GSAP: variants seen among roughly 807,000 people sequenced by gnomAD.
The protein encoded by GSAP is gamma-secretase activating protein.
A neutral mutation model predicts 131.7 loss-of-function variants in GSAP; 118 were observed. The ratio of observed to expected loss-of-function variants is 0.90; its 90% CI spans 0.77 to 1.04. GSAP has a LOEUF of 1.04. Among genes scored for constraint, GSAP ranks in the 50% least tolerant of loss-of-function variants. The pLI is 0.00. For missense variants in GSAP, 1,019 were observed against 1,013.2 expected (o/e 1.01, Z -0.08); for synonymous variants, 381 against 363.4 (o/e 1.05, Z -0.55).
At chr7:77,395,308 C>T (rs868392211) in intron 5 of GSAP, among the ~76,000 whole-genome samples, 6 of 152,136 alleles carry the variant, frequency 3.9e-5, no homozygotes, top group Admixed American at 2.6e-4. Context: ...CCACCCTCAC[C>T]ACCTCCAGGA....
intron 7 of GSAP, among the ~76,000 whole-genome samples, chr7:77,381,701 T>A (rs1797839699): frequency 6.6e-6 from 1 of 152,094 alleles, no homozygotes; most frequent in Non-Finnish European, 1.5e-5. Context: ...AAGGGCTTAC[T>A]TAGCAGAGTT....
At position 77,406,098 on chromosome 7, in the gene GSAP, TA is replaced by T; in HGVS notation, c.116del (p.Leu39Ter). 1 of 1,253,624 alleles carries T rather than the reference TA, an allele frequency of 8.0e-7. No homozygotes were observed. Among genetic ancestry groups the T allele is most frequent in the South Asian group, 1.5e-5 (1 of 65,952 alleles). 77.7% of individuals were successfully genotyped at this position (1,253,624 alleles called of 1,614,324 possible). A position where few individuals can be genotyped will look rare whatever the true frequency, so the allele number is the denominator to read the frequency against. On this transcript the variant is annotated frameshift_variant, in exon 2 of 31. Coordinates refer to ENST00000257626, the MANE Select transcript of GSAP (RefSeq NM_017439.4). LOFTEE classifies it high-confidence loss of function. ...SGAGSGGADV[L>X]ENDYESLHVL... Reference sequence around the variant, plus strand: ...CATGTAAGCTCTCATAATCGTTTTCTAAAACATCTGAAATGATAATAGGAGG... The same window carrying T: ...CATGTAAGCTCTCATAATCGTTTTCTAAACATCTGAAATGATAATAGGAGG...
chr7:77,397,574 C>A (rs545786800), intron 3 of GSAP, among the ~76,000 whole-genome samples, 159 bp from the exon 4 acceptor site: 4 of 152,220 alleles, frequency 2.6e-5, no homozygotes, highest in African/African-American at 9.6e-5. Flanking sequence ...TTCCAGAGTA[C>A]TCTTTACCAA....
At position 77,398,614 on chromosome 7, in the gene GSAP, A is replaced by T. The variant is rs10271948; in HGVS notation, c.244-1199T>A. 6.4e-3 allele frequency among the ~76,000 whole-genome samples: 969 copies of T among 152,172 alleles called. 7 individuals are homozygous for T. Among genetic ancestry groups the T allele is most frequent in the African/African-American group, 0.022 (893 of 41,532 alleles). The stretch of plus-strand genomic sequence containing the variant: ...AAATCCTATCTCTACAAAAGTTTTT[A>T]AAAAAATATGCCAGGCATGGTGGCA... On this transcript the variant is annotated intron_variant, in intron 3 of 30. Coordinates refer to ENST00000257626, the MANE Select transcript of GSAP (RefSeq NM_017439.4).
At chr7:77,338,204 A>C (rs932566623) in intron 19 of GSAP, among the ~76,000 whole-genome samples, 13 of 152,108 alleles carry the variant, frequency 8.5e-5, no homozygotes, top group African/African-American at 3.1e-4. Context: ...AATAACCATA[A>C]AATCAAGGGC....
chr7:77,336,484 T>C (rs980739273), intron 19 of GSAP, among the ~76,000 whole-genome samples: 2 of 151,942 alleles, frequency 1.3e-5, no homozygotes, highest in Non-Finnish European at 2.9e-5. Flanking sequence ...TCAAGCTCTT[T>C]TTTTTTGTTT....
intron 17 of GSAP, 40 bp downstream of exon 17, chr7:77,353,532 T>C (rs764231153): frequency 2.2e-6 from 3 of 1,363,602 alleles, no homozygotes; most frequent in Admixed American, 3.4e-5. Context: ...AGCAAAAAGG[T>C]CAAGTATTCA....
intron 1 of GSAP, among the ~76,000 whole-genome samples, 161 bp downstream of exon 1, chr7:77,416,052 G>T (rs533843716): frequency 2.0e-5 from 3 of 152,348 alleles, no homozygotes; most frequent in Non-Finnish European, 4.4e-5. Flanking sequence ...GGGTGTGGGT[G>T]GCAAAGCCAA....
intron 26 of GSAP, among the ~76,000 whole-genome samples, chr7:77,319,302 G>A (rs1024470635): frequency 1.3e-5 from 2 of 152,028 alleles, no homozygotes; most frequent in African/African-American, 2.4e-5. Context: ...AAATATGCTC[G>A]ACATCACTAA....
At chr7:77,412,776 C>CAAAAAAAA (rs34619648) in intron 1 of GSAP, among the ~76,000 whole-genome samples, 1 of 110,714 alleles carries the variant, frequency 9.0e-6, no homozygotes, top group African/African-American at 3.5e-5. Context: ...ACCAGTTTGA[C>CAAAAAAAA]AAAAAAAAAA....
intron 1 of GSAP, among the ~76,000 whole-genome samples, chr7:77,414,844 C>CTTTGTTT (rs1803997602): frequency 1.7e-5 from 1 of 59,858 alleles, no homozygotes; most frequent in Non-Finnish European, 2.8e-5. Context: ...ATGTGGGCGA[C>CTTTGTTT]TTTTTTTTTT....
rs528454823 is a variant in GSAP, at chr7:77,345,284, C to G, written c.1545+4067G>C. Among the ~76,000 whole-genome samples, 11 of 152,340 alleles carry G rather than the reference C, an allele frequency of 7.2e-5. 1 individual carries two copies. The South Asian group carries it at 2.3e-3, about 32-fold the overall frequency. ...CCCTTACCACAAAATCTTCCTTCAGCTTAATCTATACCACTCTAGGTTCCT... is the reference window on the plus strand; with the variant it reads ...CCCTTACCACAAAATCTTCCTTCAGGTTAATCTATACCACTCTAGGTTCCT... On this transcript the variant is annotated intron_variant, in intron 19 of 30. Coordinates refer to ENST00000257626, the MANE Select transcript of GSAP (RefSeq NM_017439.4).
At chr7:77,348,418 C>T (rs950223705) in intron 19 of GSAP, among the ~76,000 whole-genome samples, 4 of 152,138 alleles carry the variant, frequency 2.6e-5, no homozygotes, top group African/African-American at 9.7e-5. Context: ...CCTAGAACCA[C>T]TAACCTGGCC....
chr7:77,386,809 G>A (rs1324739906), intron 6 of GSAP, among the ~76,000 whole-genome samples: 3 of 152,212 alleles, frequency 2.0e-5, no homozygotes, highest in African/African-American at 7.2e-5. Context: ...AATTGCGAAT[G>A]TGCATGTTGG....
chr7:77,335,292 T>G (rs1789818049), intron 19 of GSAP, among the ~76,000 whole-genome samples: 1 of 151,842 alleles, frequency 6.6e-6, no homozygotes, highest in South Asian at 2.1e-4. Flanking sequence ...GCCCAGCTAC[T>G]TGGAAGGCTG....
rs560871040 is a variant in GSAP, at chr7:77,384,659, C to T, written c.457-2016G>A. Among the ~76,000 whole-genome samples the T allele has an allele frequency of 5.9e-5, 9 of 152,036 alleles. No homozygotes were observed. In the South Asian group the frequency reaches 6.2e-4, roughly 11 times the overall value. On this transcript the variant is annotated intron_variant, in intron 6 of 30. Transcript: ENST00000257626. ...CTGGAAGGAAACACTCAAAGGGTCC[C>T]GGATTGGGATCCAAGCCCCACCTGC...
intron 19 of GSAP, among the ~76,000 whole-genome samples, chr7:77,348,925 G>A (rs2150821329): frequency 6.6e-6 from 1 of 151,718 alleles, no homozygotes; most frequent in Non-Finnish European, 1.5e-5. Context: ...ATGGTTTTAA[G>A]ACTGGAAATT....
At chr7:77,353,510 T>C in intron 17 of GSAP, 62 bp downstream of exon 17, 3 of 1,043,900 alleles carry the variant, frequency 2.9e-6, no homozygotes, top group Non-Finnish European at 1.5e-6. Flanking sequence ...ATCAATTTAC[T>C]GCTTTCCCTC....
At chr7:77,369,111 G>A (rs2150963825) in intron 12 of GSAP, among the ~76,000 whole-genome samples, 1 of 152,276 alleles carries the variant, frequency 6.6e-6, no homozygotes, top group East Asian at 1.9e-4. Flanking sequence ...CTTGTGAAGA[G>A]CAACTCGTGC....
Sources: allele counts gnomAD v4.1 joint callset (sites outside exome capture counted in the v4.1 genomes callset), GRCh38; gene constraint gnomAD v4.1.1; transcripts MANE v1.5; gene names NCBI Gene and HGNC (gene_info 2026-07-23, HGNC 2026-07-21).